The following NELL2 variants were observed in gnomAD, a reference collection of about 807,000 sequenced individuals.
NELL2 encodes neural EGFL like 2.
Under a neutral mutation model 109.6 loss-of-function variants are expected in NELL2, and 41 were observed. The ratio of observed to expected loss-of-function variants is 0.37; its 90% confidence interval spans 0.29 to 0.49. NELL2 has a LOEUF of 0.49. Among genes scored for constraint, NELL2 ranks in the 20% least tolerant of loss-of-function variants. NELL2 has a pLI of 0.98. For synonymous variants in NELL2, 355 were observed against 344.7 expected (o/e 1.03, Z -0.33); for missense variants, 900 against 1,008.3 (o/e 0.89, Z 1.45).
intron 3 of NELL2, among the ~76,000 whole-genome samples, chr12:44,798,127 T>A (rs887478995): frequency 2.0e-5 from 3 of 147,230 alleles, no homozygotes; most frequent in Non-Finnish European, 4.5e-5. Context: ...CATTCCATCC[T>A]AGATGGAATG....
intron 15 of NELL2, among the ~76,000 whole-genome samples, chr12:44,547,531 A>T (rs1319890614): frequency 6.6e-6 from 1 of 152,240 alleles, no homozygotes; most frequent in Admixed American, 6.5e-5. Context: ...GTAATATTAC[A>T]GATAGTTTTT....
intron 9 of NELL2, among the ~76,000 whole-genome samples, chr12:44,748,554 C>T (rs565845751): frequency 1.3e-5 from 2 of 152,242 alleles, no homozygotes; most frequent in African/African-American, 2.4e-5. Flanking sequence ...AGAGTTGGCA[C>T]TATCATGATC....
Position 44,875,358 on chromosome 12 carries a change from T to C in NELL2, c.56-5A>G, listed in dbSNP as rs1180558819. Reference sequence around the variant, plus strand: ...GGTCCACACCAAGCCCCCAAACTGGTGAGGGGTATGAGGTGGGAGAGAGAA... The same window carrying C: ...GGTCCACACCAAGCCCCCAAACTGGCGAGGGGTATGAGGTGGGAGAGAGAA... On this transcript the variant is annotated splice_polypyrimidine_tract_variant and splice_region_variant and intron_variant, in intron 1 of 19. Transcript: ENST00000429094. 2 of 1,613,856 alleles carry C rather than the reference T, an allele frequency of 1.2e-6. No individual in the cohort carries two copies. The highest frequency in any genetic ancestry group is 2.7e-5 in the African/African-American group (2 of 74,858).
At chr12:44,658,109 G>A (rs1566102131) in intron 13 of NELL2, among the ~76,000 whole-genome samples, 2 of 152,138 alleles carry the variant, frequency 1.3e-5, no homozygotes, top group African/African-American at 4.8e-5. Context: ...GTGTAAAAGT[G>A]TTCTTATTTC....
intron 1 of NELL2, among the ~76,000 whole-genome samples, chr12:44,892,621 C>T (rs1318540090): frequency 1.3e-5 from 2 of 151,564 alleles, no homozygotes; most frequent in Admixed American, 6.6e-5. Flanking sequence ...CATGATGAAA[C>T]CCCATCTCTA....
At chr12:44,920,796 A>AAG (rs1014804628) in intron 1 of NELL2, among the ~76,000 whole-genome samples, 1 of 152,190 alleles carries the variant, frequency 6.6e-6, no homozygotes, top group Admixed American at 6.6e-5. Flanking sequence ...TTTACACAGC[A>AAG]AGAGAGAGAG....
intron 12 of NELL2, among the ~76,000 whole-genome samples, chr12:44,700,747 T>C (rs1476431616): frequency 6.6e-6 from 1 of 152,174 alleles, no homozygotes; most frequent in Non-Finnish European, 1.5e-5. Context: ...AAATGTTCTT[T>C]GGTGTAATGA....
At chr12:44,802,411 A>G (rs1942861910) in intron 3 of NELL2, among the ~76,000 whole-genome samples, 1 of 152,098 alleles carries the variant, frequency 6.6e-6, no homozygotes. Context: ...ATGAATGTAA[A>G]TGCCTTTTAG....
chr12:44,624,815 C>G (rs1371289191), intron 13 of NELL2, among the ~76,000 whole-genome samples: 1 of 151,762 alleles, frequency 6.6e-6, no homozygotes, highest in Non-Finnish European at 1.5e-5. Flanking sequence ...TCTGCATTCT[C>G]CATCCTCCAC....
intron 12 of NELL2, among the ~76,000 whole-genome samples, chr12:44,667,085 T>C (rs1185713045): frequency 6.6e-6 from 1 of 152,236 alleles, no homozygotes; most frequent in African/African-American, 2.4e-5. Context: ...ATTTTGTAAA[T>C]GTTTCCATTA....
intron 13 of NELL2, among the ~76,000 whole-genome samples, chr12:44,632,712 G>A (rs1946500044): frequency 6.6e-6 from 1 of 152,028 alleles, no homozygotes; most frequent in African/African-American, 2.4e-5. Context: ...AGAAAAGACA[G>A]TCTACATGAA....
intron 12 of NELL2, among the ~76,000 whole-genome samples, chr12:44,700,261 C>G (rs930495646): frequency 6.6e-6 from 1 of 152,186 alleles, no homozygotes; most frequent in African/African-American, 2.4e-5. Flanking sequence ...AAGACAAGCC[C>G]TCACTGGCTT....
At chr12:44,695,050 G>A (rs1206067624) in intron 12 of NELL2, among the ~76,000 whole-genome samples, 2 of 150,364 alleles carry the variant, frequency 1.3e-5, no homozygotes. Context: ...AAGGAAGAAA[G>A]GAAGGAAGGA....
chr12:44,860,312 G>C (rs762803550), intron 2 of NELL2, among the ~76,000 whole-genome samples: 5 of 152,162 alleles, frequency 3.3e-5, no homozygotes, highest in Non-Finnish European at 5.9e-5. Flanking sequence ...GTTTAATTTG[G>C]TTATAAAATA....
chr12:44,833,258 AGAG>A (rs1199291541), intron 2 of NELL2, among the ~76,000 whole-genome samples: 2 of 152,244 alleles, frequency 1.3e-5, no homozygotes, highest in Admixed American at 1.3e-4. Context: ...GCTTTAAAAC[AGAG>A]GAGAACTGGG....
upstream of NELL2, chr12:44,876,985 C>G: frequency 1.1e-6 from 1 of 900,072 alleles, no homozygotes; most frequent in South Asian, 3.3e-5. Context: ...AGAACTTGGC[C>G]AGGAGGTGCT....
At chr12:44,839,677 T>C (rs915974028) in intron 2 of NELL2, among the ~76,000 whole-genome samples, 1 of 152,238 alleles carries the variant, frequency 6.6e-6, no homozygotes, top group African/African-American at 2.4e-5. Context: ...TAGTGAAGTG[T>C]TCGCTTGAGG....
chr12:44,889,242 G>A (rs1428811421), intron 1 of NELL2, among the ~76,000 whole-genome samples: 1 of 152,020 alleles, frequency 6.6e-6, no homozygotes, highest in Admixed American at 6.5e-5. Flanking sequence ...AAACAGCACT[G>A]TAAGAGAACT....
intron 15 of NELL2, among the ~76,000 whole-genome samples, chr12:44,548,425 A>T (rs922526564): frequency 6.6e-6 from 1 of 152,040 alleles, no homozygotes; most frequent in Non-Finnish European, 1.5e-5. Flanking sequence ...GGCACTTGTA[A>T]TCTTAGCTAC....
Sources: gnomAD v4.1 joint callset for allele counts (sites outside exome capture counted in the v4.1 genomes callset) on GRCh38, gnomAD v4.1.1 for gene constraint, MANE v1.5 for transcripts, NCBI Gene and HGNC (gene_info 2026-07-23, HGNC 2026-07-21) for gene names.